The following EFHC1 variants were observed in gnomAD, a reference collection of about 807,000 sequenced individuals.
EFHC1 encodes the protein EF-hand domain containing 1, also known as EF-hand domain-containing protein 1.
In EFHC1, 53 loss-of-function variants were observed where a neutral mutation model predicts 69.9. The observed-to-expected ratio is 0.76, with a 90% CI of 0.61 to 0.95. The LOEUF (loss-of-function observed/expected upper bound fraction) is 0.95. Among genes scored for constraint, EFHC1 ranks in the 40% least tolerant of loss-of-function variants. The pLI, the probability that EFHC1 is intolerant of heterozygous loss-of-function variation, is 0.00. For missense variants in EFHC1, 739 were observed against 798.7 expected, an observed-to-expected ratio of 0.93 and a Z score of 0.90; for synonymous variants, 256 against 278.4, an observed-to-expected ratio of 0.92 and a Z score of 0.80.
At chr6:52,453,976 G>A in intron 4 of EFHC1, 119 bp from the exon 5 acceptor site, 1 of 1,573,354 alleles carries the variant, frequency 6.4e-7, no homozygotes, top group Non-Finnish European at 8.6e-7. Flanking sequence ...TACCCCATCT[G>A]AAATTACTTC....
At chr6:52,452,969 A>G (rs767196487) in intron 4 of EFHC1, 132 bp downstream of exon 4, 5 of 1,585,176 alleles carry the variant, frequency 3.2e-6, no homozygotes, top group East Asian at 2.3e-5. Flanking sequence ...GTTTGGACAC[A>G]GTACTGTCTT....
chr6:52,459,465 C>T (rs1765113640), intron 5 of EFHC1, among the ~76,000 whole-genome samples: 1 of 152,106 alleles, frequency 6.6e-6, no homozygotes, highest in Non-Finnish European at 1.5e-5. Context: ...AATATATTTG[C>T]CATAGTTACT....
At position 52,495,523 on chromosome 6, in the gene EFHC1, C is replaced by T. The variant is rs965132479; in HGVS notation, c.*3182C>T. 2 of 453,952 alleles carry T rather than the reference C, an allele frequency of 4.4e-6. No individual in the cohort carries two copies. The highest frequency in any genetic ancestry group is 8.8e-6 in the Non-Finnish European group (2 of 226,804). 28.1% of individuals were successfully genotyped at this position (453,952 alleles called of 1,614,324 possible). A position where few individuals can be genotyped will look rare whatever the true frequency, so the allele number is the denominator to read the frequency against. On this transcript the variant is annotated 3_prime_UTR_variant, in exon 11 of 11. Transcript: ENST00000371068. The stretch of plus-strand genomic sequence containing the variant: ...TTTTGTCCTCAGCTTTGGGTCTCAG[C>T]CAAAATGGAGATTTAGGAAAGTCTC...
At chr6:52,472,995 A>G (rs956136597) in intron 7 of EFHC1, among the ~76,000 whole-genome samples, 4 of 152,234 alleles carry the variant, frequency 2.6e-5, no homozygotes, top group African/African-American at 9.6e-5. Flanking sequence ...ATGGTTTAAA[A>G]TTAAGTCAAA....
At chr6:52,423,795 C>T in intron 1 of EFHC1, 151 bp from the exon 2 acceptor site, 2 of 1,533,040 alleles carry the variant, frequency 1.3e-6, no homozygotes, top group Non-Finnish European at 1.7e-6. Context: ...CACGAGCCAC[C>T]ATGCCCAGCC....
intron 3 of EFHC1, among the ~76,000 whole-genome samples, chr6:52,440,496 A>T (rs1764637769): frequency 6.6e-6 from 1 of 151,894 alleles, no homozygotes; most frequent in Admixed American, 6.6e-5. Flanking sequence ...ATGTATATGT[A>T]TGTGTATATG....
intron 2 of EFHC1, among the ~76,000 whole-genome samples, chr6:52,432,540 C>G (rs1417260152): frequency 6.6e-6 from 1 of 152,184 alleles, no homozygotes; most frequent in Non-Finnish European, 1.5e-5. Flanking sequence ...GCCCCAATCC[C>G]TTCTAGCTTG....
At chr6:52,488,483 C>G (rs927322089) in intron 9 of EFHC1, 2 of 152,118 alleles carry the variant, frequency 1.3e-5, no homozygotes, top group African/African-American at 4.8e-5. Context: ...ATAACTGCTT[C>G]TAATATTTTG....
At chr6:52,446,171 C>A (rs1173244061) in intron 3 of EFHC1, among the ~76,000 whole-genome samples, 1 of 152,128 alleles carries the variant, frequency 6.6e-6, no homozygotes, top group Non-Finnish European at 1.5e-5. Flanking sequence ...GTTAAAGTCT[C>A]CCATTATTAT....
chr6:52,495,045 C>T lies in EFHC1; in HGVS notation c.*2704C>T, dbSNP rs1766015602. 4.4e-6 allele frequency: 2 copies of T among 453,998 alleles called. No homozygotes were observed. The highest frequency in any genetic ancestry group is 8.8e-6 in the Non-Finnish European group (2 of 226,800). 28.1% of individuals were successfully genotyped at this position (453,998 alleles called of 1,614,324 possible). On this transcript the variant is annotated 3_prime_UTR_variant, in exon 11 of 11. Coordinates refer to ENST00000371068, the MANE Select transcript of EFHC1 (RefSeq NM_018100.4). ...CGGAAACTGCCCAGTGCACCACTCT[C>T]AGATGGACGGGACCCAGTCTGTACC...
At chr6:52,440,360 G>A (rs1764633684) in intron 3 of EFHC1, among the ~76,000 whole-genome samples, 1 of 152,052 alleles carries the variant, frequency 6.6e-6, no homozygotes, top group Admixed American at 6.6e-5. Context: ...TCCATGAGGT[G>A]TGTTACAGCC....
At chr6:52,427,160 A>G (rs1764318121) in intron 2 of EFHC1, among the ~76,000 whole-genome samples, 1 of 152,170 alleles carries the variant, frequency 6.6e-6, no homozygotes, top group Non-Finnish European at 1.5e-5. Flanking sequence ...TTTATTTTCC[A>G]CAGAGCAGCC....
intron 3 of EFHC1, 71 bp from the exon 4 acceptor site, chr6:52,452,617 A>G: frequency 6.4e-7 from 1 of 1,566,304 alleles, no homozygotes; most frequent in African/African-American, 1.4e-5. Context: ...ACTTATTTTT[A>G]TATAATCAGT....
chr6:52,455,972 C>G (rs774465950), intron 5 of EFHC1, among the ~76,000 whole-genome samples: 22 of 152,038 alleles, frequency 1.4e-4, no homozygotes, highest in Non-Finnish European at 2.9e-4. Context: ...GGAAAAAATA[C>G]ATGAAATTAG....
chr6:52,494,627 C>T lies in EFHC1; in HGVS notation c.*2286C>T, dbSNP rs996047898. ...AGGGGGTACATGTGCAGGTTTGTTA[C>T]ATGAGTATATTGCACCCAGGTAGTG... On this transcript the variant is annotated 3_prime_UTR_variant, in exon 11 of 11. Transcript: ENST00000371068. The T allele has an allele frequency of 8.8e-6, 4 of 453,972 alleles. No homozygotes were observed. Among genetic ancestry groups the T allele is most frequent in the African/African-American group, 8.0e-5 (4 of 49,986 alleles). 28.1% of individuals were successfully genotyped at this position (453,972 alleles called of 1,614,324 possible). A position where few individuals can be genotyped will look rare whatever the true frequency, so the allele number is the denominator to read the frequency against.
At chr6:52,435,915 G>A (rs1356097779) in intron 2 of EFHC1, among the ~76,000 whole-genome samples, 1 of 152,202 alleles carries the variant, frequency 6.6e-6, no homozygotes, top group Non-Finnish European at 1.5e-5. Flanking sequence ...GTAGCAAGAT[G>A]TGTGGAGAGA....
At position 52,465,136 on chromosome 6, in the gene EFHC1, A is replaced by G. The variant is rs929940195; in HGVS notation, c.1137+21A>G. Reference sequence around the variant, plus strand: ...AACAGGTAATCAGATAGTACTTCTTAGTGTGGTGAGAAAACTAATTTTTTG... The same window carrying G: ...AACAGGTAATCAGATAGTACTTCTTGGTGTGGTGAGAAAACTAATTTTTTG... On this transcript the variant is annotated intron_variant, in intron 6 of 10. Coordinates refer to ENST00000371068, the MANE Select transcript of EFHC1 (RefSeq NM_018100.4). 4.4e-6 allele frequency: 7 copies of G among 1,606,162 alleles called. No homozygotes were observed. The African/African-American group carries it at 9.4e-5, about 21-fold the overall frequency.
chr6:52,494,351 A>G lies in EFHC1; in HGVS notation c.*2010A>G, dbSNP rs905641788. 18 of 454,020 alleles carry G rather than the reference A, an allele frequency of 4.0e-5. No individual in the cohort carries two copies. Among genetic ancestry groups the G allele is most frequent in the African/African-American group, 3.4e-4 (17 of 50,094 alleles). The allele number at this position is 454,020 out of a possible 1,614,324, so 28.1% of individuals were successfully genotyped here. ...AGCCTGTGGTAAAGAGTGTGTGTAT[A>G]CTGGGGTGATGATAGTGGTTTCTTC... On this transcript the variant is annotated 3_prime_UTR_variant, in exon 11 of 11. Coordinates refer to ENST00000371068, the MANE Select transcript of EFHC1 (RefSeq NM_018100.4).
Position 52,494,871 on chromosome 6 carries a change from A to G in EFHC1, c.*2530A>G, listed in dbSNP as rs1472891241. ...CTGCATCCATGTTGCTGCAGAATAC[A>G]TGATTTCATTTTTTATGGCTGCGTA... On this transcript the variant is annotated 3_prime_UTR_variant, in exon 11 of 11. Transcript: ENST00000371068. 2.2e-6 allele frequency: 1 copy of G among 451,590 alleles called. No homozygotes were observed. Among genetic ancestry groups the G allele is most frequent in the Non-Finnish European group, 4.4e-6 (1 of 224,808 alleles). 28.0% of individuals were successfully genotyped at this position (451,590 alleles called of 1,614,324 possible).
Sources: allele counts gnomAD v4.1 joint callset (sites outside exome capture counted in the v4.1 genomes callset), GRCh38; gene constraint gnomAD v4.1.1; transcripts MANE v1.5; gene names NCBI Gene and HGNC (gene_info 2026-07-23, HGNC 2026-07-21).